Variants in TENM4 observed in about 807,000 individuals in gnomAD.
TENM4 encodes the protein teneurin-4.
In TENM4, 82 loss-of-function variants were observed where a neutral mutation model predicts 243.3. That is an observed-to-expected ratio of 0.34 (90% CI 0.28 to 0.40). The LOEUF is 0.40. Among genes scored for constraint, TENM4 ranks in the 10% least tolerant of loss-of-function variants. TENM4 has a pLI of 1.00. For synonymous variants in TENM4, 1,412 were observed against 1,456.3 expected (o/e 0.97, Z 0.69); for missense variants, 3,138 against 3,673.3 (o/e 0.85, Z 3.77).
intron 3 of TENM4, among the ~76,000 whole-genome samples, chr11:79,200,172 C>A (rs1863711174): frequency 6.6e-6 from 1 of 152,210 alleles, no homozygotes; most frequent in African/African-American, 2.4e-5. Context: ...CGTGCTCTGT[C>A]TCTAGGGATG....
chr11:79,201,637 G>A (rs1863739947), intron 3 of TENM4, among the ~76,000 whole-genome samples: 1 of 152,126 alleles, frequency 6.6e-6, no homozygotes, highest in Non-Finnish European at 1.5e-5. Flanking sequence ...TGCCCTTAGG[G>A]AGCCCAGGGG....
intron 6 of TENM4, among the ~76,000 whole-genome samples, chr11:78,995,657 A>C (rs1858155860): frequency 1.3e-5 from 2 of 152,160 alleles, no homozygotes; most frequent in Non-Finnish European, 2.9e-5. Flanking sequence ...AAGAATTATA[A>C]AATTTTAAAG....
At chr11:78,723,062 C>T (rs1232380762) in intron 23 of TENM4, 145 bp from the exon 24 acceptor site, 3 of 1,116,394 alleles carry the variant, frequency 2.7e-6, no homozygotes, top group Non-Finnish European at 3.7e-6. Flanking sequence ...CTTTGCCTCA[C>T]CCCCCCAATG....
At chr11:78,934,002 C>G (rs1169683275) in intron 6 of TENM4, among the ~76,000 whole-genome samples, 3 of 152,106 alleles carry the variant, frequency 2.0e-5, no homozygotes, top group Non-Finnish European at 4.4e-5. Flanking sequence ...CAAGGGTGCA[C>G]TGGGAATTAG....
intron 9 of TENM4, among the ~76,000 whole-genome samples, chr11:78,866,176 A>C (rs1211575659): frequency 6.6e-6 from 1 of 152,028 alleles, no homozygotes; most frequent in Non-Finnish European, 1.5e-5. Context: ...ATTAGCTCAA[A>C]ATTCTGTTTA....
intron 3 of TENM4, among the ~76,000 whole-genome samples, chr11:79,208,301 G>A (rs1055286283): frequency 3.3e-5 from 5 of 152,170 alleles, no homozygotes; most frequent in South Asian, 2.1e-4. Context: ...TGCTATTTAT[G>A]ACAGAGCAAC....
intron 3 of TENM4, among the ~76,000 whole-genome samples, chr11:79,178,588 T>A (rs1056952126): frequency 6.6e-6 from 1 of 152,128 alleles, no homozygotes; most frequent in African/African-American, 2.4e-5. Flanking sequence ...ACGTAAATAG[T>A]TTGAGTCATA....
intron 6 of TENM4, among the ~76,000 whole-genome samples, chr11:79,053,631 C>T (rs1369984845): frequency 6.6e-6 from 1 of 152,168 alleles, no homozygotes; most frequent in African/African-American, 2.4e-5. Flanking sequence ...CAGTCCAATG[C>T]CCCTTTTCCT....
intron 20 of TENM4, among the ~76,000 whole-genome samples, chr11:78,735,726 T>C (rs1168217618): frequency 2.0e-5 from 3 of 152,196 alleles, no homozygotes; most frequent in African/African-American, 4.8e-5. Flanking sequence ...AGTTTTCTCA[T>C]TTGTAAAATG....
At chr11:79,083,767 A>C (rs544305614) in intron 4 of TENM4, among the ~76,000 whole-genome samples, 1 of 152,314 alleles carries the variant, frequency 6.6e-6, no homozygotes, top group Non-Finnish European at 1.5e-5. Context: ...GAAGCAGTGG[A>C]GCACCATGGT....
chr11:79,265,438 G>A (rs892149242), intron 2 of TENM4, among the ~76,000 whole-genome samples: 3 of 152,148 alleles, frequency 2.0e-5, no homozygotes, highest in African/African-American at 7.2e-5. Flanking sequence ...AAGACTTAGA[G>A]TGAAAACAAG....
At chr11:79,202,723 T>G (rs1281761609) in intron 3 of TENM4, among the ~76,000 whole-genome samples, 1 of 152,180 alleles carries the variant, frequency 6.6e-6, no homozygotes, top group Non-Finnish European at 1.5e-5. Flanking sequence ...TGGACATTCA[T>G]GAAGAGCAGT....
intron 2 of TENM4, among the ~76,000 whole-genome samples, chr11:79,258,092 G>A (rs1370728711): frequency 1.3e-5 from 2 of 152,194 alleles, no homozygotes; most frequent in East Asian, 3.9e-4. Context: ...GGGGAGAGGA[G>A]AGGGGTTTGG....
chr11:79,274,740 C>G (rs1400203191), intron 2 of TENM4, among the ~76,000 whole-genome samples: 1 of 152,122 alleles, frequency 6.6e-6, no homozygotes, highest in East Asian at 1.9e-4. Context: ...ACAGTGGAAG[C>G]CTGTTGTAGT....
chr11:78,665,070 C>T (rs1371138588), intron 32 of TENM4, among the ~76,000 whole-genome samples: 4 of 152,338 alleles, frequency 2.6e-5, no homozygotes, highest in African/African-American at 9.6e-5. Flanking sequence ...CCTCTTCACT[C>T]ATCCATCCCA....
intron 28 of TENM4, among the ~76,000 whole-genome samples, chr11:78,693,736 A>G (rs1057100311): frequency 4.6e-5 from 7 of 152,208 alleles, no homozygotes; most frequent in African/African-American, 1.7e-4. Context: ...CATATAGGCC[A>G]GGCGCAGTGA....
At chr11:79,371,181 A>C (rs547195491) in intron 1 of TENM4, among the ~76,000 whole-genome samples, 1 of 152,242 alleles carries the variant, frequency 6.6e-6, no homozygotes, top group Non-Finnish European at 1.5e-5. Context: ...TAGAGGATAC[A>C]GGTGGCTTCA....
intron 14 of TENM4, 123 bp downstream of exon 14, chr11:78,811,999 T>G: frequency 8.0e-7 from 1 of 1,248,992 alleles, no homozygotes; most frequent in Non-Finnish European, 1.1e-6. Context: ...GGCTCCTGGC[T>G]TGGGGAGGTG....
chr11:79,116,023 A>C lies in TENM4; in HGVS notation c.-66+32687T>G, dbSNP rs182571545. On this transcript the variant is annotated intron_variant, in intron 4 of 33. Transcript: ENST00000278550. Reference sequence around the variant, plus strand: ...GCCCTTTCAGAAACCCAAATTTATCAGCACCCCAATGGCAATAGGACCTGA... The same window carrying C: ...GCCCTTTCAGAAACCCAAATTTATCCGCACCCCAATGGCAATAGGACCTGA... Among the ~76,000 whole-genome samples the C allele has an allele frequency of 5.3e-5, 8 of 152,326 alleles. No individual in the cohort carries two copies. The East Asian group carries it at 1.5e-3, about 29-fold the overall frequency.
Sources: allele counts gnomAD v4.1 joint callset (sites outside exome capture counted in the v4.1 genomes callset), GRCh38; gene constraint gnomAD v4.1.1; transcripts MANE v1.5; gene names NCBI Gene and HGNC (gene_info 2026-07-23, HGNC 2026-07-21).